AGPAT3: variants seen among roughly 807,000 people sequenced by gnomAD.
AGPAT3 encodes 1-acylglycerol-3-phosphate O-acyltransferase 3.
In AGPAT3, 5 loss-of-function variants were observed where a neutral mutation model predicts 47.3. The ratio of observed to expected loss-of-function variants is 0.11; its 90% CI spans 0.06 to 0.22. AGPAT3 has a LOEUF of 0.22. AGPAT3 is among the 10% of genes least tolerant of loss of function. The pLI is 1.00. For missense variants in AGPAT3, 315 were observed against 493.0 expected, an observed-to-expected ratio of 0.64 and a Z score of 3.42; for synonymous variants, 212 against 208.3, an observed-to-expected ratio of 1.02 and a Z score of -0.15.
chr21:43,884,076 A>G (rs531761448), intron 1 of AGPAT3, among the ~76,000 whole-genome samples: 1 of 152,122 alleles, frequency 6.6e-6, no homozygotes, highest in Non-Finnish European at 1.5e-5. Flanking sequence ...GTCTCTTTAA[A>G]GAGGTGCCTC....
chr21:43,872,722 G>A (rs2085648276), intron 1 of AGPAT3, among the ~76,000 whole-genome samples: 1 of 152,220 alleles, frequency 6.6e-6, no homozygotes, highest in Non-Finnish European at 1.5e-5. Flanking sequence ...AGGCCCTCCT[G>A]AGCAGGGCTG....
intron 2 of AGPAT3, chr21:43,948,077 A>C (rs1222104024): frequency 6.6e-6 from 1 of 152,258 alleles, no homozygotes; most frequent in Non-Finnish European, 1.5e-5. Context: ...TTGATGATGT[A>C]AGCTGTGTTT....
rs761115619 is a variant in AGPAT3 at position 43,981,066 on chromosome 21, C to A, written c.921C>A (p.Thr307=). 1 of 1,614,168 alleles carries A rather than the reference C, an allele frequency of 6.2e-7. No individual in the cohort carries two copies. The highest frequency in any genetic ancestry group is 1.1e-5 in the South Asian group (1 of 91,084). Residue 307 remains threonine, a synonymous_variant, in exon 9 of 10, where the codon ACC becomes ACA. Transcript: ENST00000291572. This position sits in a 1 kb window ranked among gnomAD's most constrained non-coding sequence, Gnocchi z 5.3. ...EQFKPARRPW[T]LLNFLSWATI... Reference sequence around the variant, plus strand: ...TTAAGCCTGCCCGGAGGCCGTGGACCCTCCTGAACTTCCTGTCCTGGGCCA... The same window carrying A: ...TTAAGCCTGCCCGGAGGCCGTGGACACTCCTGAACTTCCTGTCCTGGGCCA...
intron 2 of AGPAT3, among the ~76,000 whole-genome samples, chr21:43,949,874 C>T (rs1485110822): frequency 6.6e-6 from 1 of 152,202 alleles, no homozygotes; most frequent in Non-Finnish European, 1.5e-5. Flanking sequence ...CTCTCCTTGG[C>T]TCCTGAACAC....
chr21:43,885,654 G>A (rs777450092), intron 1 of AGPAT3, among the ~76,000 whole-genome samples: 45 of 152,292 alleles, frequency 3.0e-4, no homozygotes, highest in Admixed American at 1.4e-3. Context: ...AAAGTACAGA[G>A]ATTACAGGCA....
rs1457773420 is a variant in AGPAT3 at position 43,970,630 on chromosome 21, C to T, written c.511-23C>T. On this transcript the variant is annotated intron_variant, in intron 5 of 9. Transcript: ENST00000291572. This position sits in a 1 kb window ranked among gnomAD's most constrained non-coding sequence, Gnocchi z 5.8. Reference sequence around the variant, plus strand: ...CCACCCCAGCTGCTCTGTGGAGTGACCCTGTCTCCGTGTTGATCCTAGTTT... The same window carrying T: ...CCACCCCAGCTGCTCTGTGGAGTGATCCTGTCTCCGTGTTGATCCTAGTTT... The T allele has an allele frequency of 4.3e-6, 7 of 1,612,514 alleles. No individual in the cohort carries two copies. Among genetic ancestry groups the T allele is most frequent in the African/African-American group, 4.0e-5 (3 of 74,984 alleles).
intron 1 of AGPAT3, among the ~76,000 whole-genome samples, chr21:43,883,398 C>A (rs568017733): frequency 6.6e-6 from 1 of 152,318 alleles, no homozygotes; most frequent in East Asian, 1.9e-4. Flanking sequence ...CTCCAGTTTA[C>A]AAGTAGGAGC....
At chr21:43,917,899 G>A (rs1423827085) in intron 2 of AGPAT3, among the ~76,000 whole-genome samples, 1 of 123,146 alleles carries the variant, frequency 8.1e-6, no homozygotes, top group African/African-American at 3.2e-5. Flanking sequence ...TGTAGGGGTT[G>A]CGGGTGTTGT....
At chr21:43,967,827 C>A in intron 3 of AGPAT3, 119 bp from the exon 4 acceptor site, 1 of 1,026,388 alleles carries the variant, frequency 9.7e-7, no homozygotes, top group Non-Finnish European at 1.4e-6. Context: ...CATCAAAACT[C>A]ATGTTTAGCA....
chr21:43,916,027 G>T (rs1468775287), intron 2 of AGPAT3, among the ~76,000 whole-genome samples: 2 of 152,260 alleles, frequency 1.3e-5, no homozygotes, highest in Middle Eastern at 3.4e-3. Context: ...GAATATCTAA[G>T]AAGATAATGT....
chr21:43,970,561 C>G lies in AGPAT3; in HGVS notation c.511-92C>G. The G allele has an allele frequency of 7.1e-7, 1 of 1,405,954 alleles. No individual in the cohort carries two copies. The highest frequency in any genetic ancestry group is 9.8e-7 in the Non-Finnish European group (1 of 1,023,884). 87.1% of individuals were successfully genotyped at this position (1,405,954 alleles called of 1,614,324 possible). ...AAGATTTCCACAAATTCAGCCACAA[C>G]CTTTGCTGCCTGTCAGAGAGGCAGG... On this transcript the variant is annotated intron_variant, in intron 5 of 9. Coordinates refer to ENST00000291572, the MANE Select transcript of AGPAT3 (RefSeq NM_020132.5). This position sits in a 1 kb window ranked among gnomAD's most constrained non-coding sequence, Gnocchi z 5.8.
chr21:43,967,595 C>T (rs2146730682), intron 3 of AGPAT3: 1 of 222,226 alleles, frequency 4.5e-6, no homozygotes, highest in Middle Eastern at 1.6e-3. Context: ...GCTTCCTAAT[C>T]ATCTAGTGAC....
intron 1 of AGPAT3, among the ~76,000 whole-genome samples, chr21:43,902,393 C>T (rs553710053): frequency 4.6e-5 from 7 of 152,190 alleles, no homozygotes; most frequent in South Asian, 4.2e-4. Context: ...GGAAAATATG[C>T]GATATATACA....
chr21:43,879,347 CAAAAA>C (rs34630760), intron 1 of AGPAT3, among the ~76,000 whole-genome samples: 3 of 71,694 alleles, frequency 4.2e-5, no homozygotes, highest in East Asian at 5.5e-4. Flanking sequence ...GACTCTATCT[CAAAAA>C]AAAAAAAAAA....
chr21:43,903,563 A>G (rs1478884139), intron 1 of AGPAT3, among the ~76,000 whole-genome samples: 3 of 152,200 alleles, frequency 2.0e-5, no homozygotes, highest in Non-Finnish European at 4.4e-5. Context: ...GCGGGAGCGC[A>G]TGTAAGGCTG....
In AGPAT3 at chr21:43,982,151, C is replaced by T. The variant is rs573346056; in HGVS notation, c.1043-153C>T. ...ACGGTCTGAGAGGGCTGTCTCCCCG[C>T]GGGCCACACCTACTCACTGACAGCA... On this transcript the variant is annotated intron_variant, in intron 9 of 9. Coordinates refer to ENST00000291572, the MANE Select transcript of AGPAT3 (RefSeq NM_020132.5). This position sits in a 1 kb window ranked among gnomAD's most constrained non-coding sequence, Gnocchi z 6.2. Among the ~76,000 whole-genome samples the T allele has an allele frequency of 1.5e-4, 23 of 152,316 alleles. No individual in the cohort carries two copies. In the South Asian group the frequency reaches 4.3e-3, roughly 29 times the overall value.
At chr21:43,935,958 G>A (rs537480605) in intron 2 of AGPAT3, among the ~76,000 whole-genome samples, 11 of 152,332 alleles carry the variant, frequency 7.2e-5, no homozygotes, top group East Asian at 3.9e-4. Context: ...GGCTCGAGTC[G>A]GAAGCCAGAG....
At chr21:43,909,292 A>AT (rs11365476) in intron 2 of AGPAT3, among the ~76,000 whole-genome samples, 50 of 102,280 alleles carry the variant, frequency 4.9e-4, no homozygotes, top group South Asian at 3.3e-3. Context: ...TTTCATACAC[A>AT]TTTTTTTTTT....
rs767792105 is a variant in AGPAT3, at chr21:43,934,277, C to A, written c.-48-25357C>A. Among the ~76,000 whole-genome samples the A allele has an allele frequency of 1.3e-5, 2 of 152,242 alleles. No homozygotes were observed. Among genetic ancestry groups the A allele is most frequent in the Non-Finnish European group, 2.9e-5 (2 of 68,044 alleles). On this transcript the variant is annotated intron_variant, in intron 2 of 9. Transcript: ENST00000291572. This position sits in a 1 kb window ranked among gnomAD's most constrained non-coding sequence, Gnocchi z 4.7. ...AGCTCCCACACACCAGCCCTCTCAC[C>A]GCGGTGTGCCTGTCCCCACCTCCCA...
Sources: allele counts gnomAD v4.1 joint callset (sites outside exome capture counted in the v4.1 genomes callset), GRCh38; gene constraint gnomAD v4.1.1; non-coding constraint Gnocchi (gnomAD v3.1); transcripts MANE v1.5; gene names NCBI Gene and HGNC (gene_info 2026-07-23, HGNC 2026-07-21).